PAK5: variants seen among roughly 807,000 people sequenced by gnomAD.
PAK5 encodes serine/threonine-protein kinase PAK 5.
A neutral mutation model predicts 65.9 loss-of-function variants in PAK5; 16 were observed. That is an observed-to-expected ratio of 0.24 (90% CI 0.16 to 0.37). PAK5 has a LOEUF of 0.37. PAK5 is among the 10% of genes least tolerant of loss of function. The pLI is 1.00. For synonymous variants in PAK5, 371 were observed against 354.9 expected, an observed-to-expected ratio of 1.05 and a Z score of -0.51; for missense variants, 785 against 903.9, an observed-to-expected ratio of 0.87 and a Z score of 1.69.
At chr20:9,698,415 T>TC (rs1245525724) in intron 2 of PAK5, among the ~76,000 whole-genome samples, 2 of 152,152 alleles carry the variant, frequency 1.3e-5, no homozygotes, top group African/African-American at 4.8e-5. Context: ...GCTCCTTTTC[T>TC]CCCCATGAAT....
At position 9,813,004 on chromosome 20, in the gene PAK5, T is replaced by G. The variant is rs147999397; in HGVS notation, c.-162+25758A>C. Among the ~76,000 whole-genome samples the G allele has an allele frequency of 7.2e-4, 109 of 152,210 alleles. 1 individual carries two copies. In the East Asian group the frequency reaches 0.021, roughly 29 times the overall value. On this transcript the variant is annotated intron_variant, in intron 1 of 9. Coordinates refer to ENST00000353224, the MANE Select transcript of PAK5 (RefSeq NM_177990.4). ...AATAGTAACTTAAAGCTAAAAAATCTATAGCAAACTATATAGTATAACCAT... is the reference window on the plus strand; with the variant it reads ...AATAGTAACTTAAAGCTAAAAAATCGATAGCAAACTATATAGTATAACCAT...
At chr20:9,827,447 C>T (rs894447114) in intron 1 of PAK5, among the ~76,000 whole-genome samples, 1 of 152,032 alleles carries the variant, frequency 6.6e-6, no homozygotes, top group East Asian at 1.9e-4. Flanking sequence ...TTATTAAAGA[C>T]CTGACATGTG....
chr20:9,668,625 C>T (rs1197620089), intron 2 of PAK5, among the ~76,000 whole-genome samples: 2 of 152,178 alleles, frequency 1.3e-5, no homozygotes, highest in Admixed American at 6.5e-5. Context: ...GAGAGCATAA[C>T]ACTGAGAACG....
intron 1 of PAK5, among the ~76,000 whole-genome samples, chr20:9,806,125 C>A (rs908591597): frequency 4.1e-5 from 6 of 146,536 alleles, no homozygotes; most frequent in African/African-American, 1.5e-4. Context: ...ACAACATGCC[C>A]AGCTAATTTT....
intron 1 of PAK5, chr20:9,818,880 A>G (rs1258765794): frequency 6.6e-6 from 1 of 152,220 alleles, no homozygotes; most frequent in Non-Finnish European, 1.5e-5. Flanking sequence ...GGTATTGGAC[A>G]TCATTTCAAC....
chr20:9,543,012 C>T (rs2045291342), intron 8 of PAK5, among the ~76,000 whole-genome samples: 1 of 152,102 alleles, frequency 6.6e-6, no homozygotes, highest in Non-Finnish European at 1.5e-5. Flanking sequence ...AGTTAACTGT[C>T]TATCAGGGCA....
intron 7 of PAK5, among the ~76,000 whole-genome samples, chr20:9,548,422 C>CA (rs2045377941): frequency 6.6e-6 from 1 of 151,762 alleles, no homozygotes; most frequent in African/African-American, 2.4e-5. Context: ...TACATGTGCA[C>CA]AATGTGCAGG....
intron 1 of PAK5, among the ~76,000 whole-genome samples, chr20:9,811,637 C>T (rs1297335074): frequency 2.0e-5 from 3 of 152,140 alleles, no homozygotes; most frequent in Non-Finnish European, 2.9e-5. Context: ...CATCTAGAAA[C>T]TCAGTCAATC....
At chr20:9,702,926 A>G (rs2047958393) in intron 2 of PAK5, among the ~76,000 whole-genome samples, 1 of 152,134 alleles carries the variant, frequency 6.6e-6, no homozygotes, top group African/African-American at 2.4e-5. Context: ...CAGCCCATAG[A>G]TGGCAGCCTT....
At chr20:9,681,606 C>T (rs2047650995) in intron 2 of PAK5, among the ~76,000 whole-genome samples, 1 of 151,974 alleles carries the variant, frequency 6.6e-6, no homozygotes, top group South Asian at 2.1e-4. Context: ...TCTTTATAGC[C>T]TTTTTTATGT....
chr20:9,591,124 A>T (rs1320937500), intron 3 of PAK5, among the ~76,000 whole-genome samples: 5 of 152,178 alleles, frequency 3.3e-5, no homozygotes, highest in African/African-American at 4.8e-5. Context: ...TATTTTTCCA[A>T]TATATAATAA....
intron 1 of PAK5, among the ~76,000 whole-genome samples, chr20:9,785,469 C>T (rs1363574798): frequency 6.6e-6 from 1 of 152,136 alleles, no homozygotes; most frequent in African/African-American, 2.4e-5. Flanking sequence ...ATCTGTTTTG[C>T]CAACTTTTCA....
At chr20:9,582,043 T>C (rs1476453913) in intron 3 of PAK5, among the ~76,000 whole-genome samples, 1 of 152,114 alleles carries the variant, frequency 6.6e-6, no homozygotes, top group Admixed American at 6.6e-5. Context: ...GGACTAATAG[T>C]TTTGTACTAT....
chr20:9,802,377 C>T (rs1165357716), intron 1 of PAK5, among the ~76,000 whole-genome samples: 1 of 151,992 alleles, frequency 6.6e-6, no homozygotes, highest in African/African-American at 2.4e-5. Flanking sequence ...ATTGGAAGGG[C>T]ATATGAACAA....
At chr20:9,651,086 G>A (rs949082711) in intron 2 of PAK5, among the ~76,000 whole-genome samples, 1 of 152,086 alleles carries the variant, frequency 6.6e-6, no homozygotes. Flanking sequence ...TTAATTTAGG[G>A]TTCTGGTTGA....
intron 1 of PAK5, among the ~76,000 whole-genome samples, chr20:9,738,379 C>A (rs957234961): frequency 6.6e-6 from 1 of 151,994 alleles, no homozygotes; most frequent in African/African-American, 2.4e-5. Flanking sequence ...TTTATAATAA[C>A]CTTATTTGTA....
intron 3 of PAK5, among the ~76,000 whole-genome samples, chr20:9,625,812 C>T (rs1462169210): frequency 1.3e-5 from 2 of 152,160 alleles, no homozygotes; most frequent in Non-Finnish European, 2.9e-5. Context: ...CTTGTCAATT[C>T]CTTGGCTTTA....
intron 2 of PAK5, among the ~76,000 whole-genome samples, chr20:9,691,459 T>C (rs1247678686): frequency 6.6e-6 from 1 of 152,196 alleles, no homozygotes; most frequent in African/African-American, 2.4e-5. Context: ...TGTCGGTCAT[T>C]TTTCAACCAC....
intron 1 of PAK5, among the ~76,000 whole-genome samples, chr20:9,822,763 TC>T (rs2049437925): frequency 6.6e-6 from 1 of 152,230 alleles, no homozygotes; most frequent in African/African-American, 2.4e-5. Flanking sequence ...TATCTGTGTT[TC>T]TAAGGGCTTT....
Sources: allele counts gnomAD v4.1 joint callset (sites outside exome capture counted in the v4.1 genomes callset), GRCh38; gene constraint gnomAD v4.1.1; transcripts MANE v1.5; gene names NCBI Gene and HGNC (gene_info 2026-07-23, HGNC 2026-07-21).